Variants in CREB3L3 observed in about 807,000 individuals in gnomAD.
The protein encoded by CREB3L3 is cyclic AMP-responsive element-binding protein 3-like protein 3.
Under a neutral mutation model 44.6 loss-of-function variants are expected in CREB3L3, and 40 were observed. That is an observed-to-expected ratio of 0.90 (90% CI 0.70 to 1.17). CREB3L3 has a LOEUF of 1.17. CREB3L3 is among the 50% of genes most tolerant of loss of function. CREB3L3 has a pLI of 0.00. For missense variants in CREB3L3, 578 were observed against 595.8 expected (o/e 0.97, Z 0.31); for synonymous variants, 273 against 256.3 (o/e 1.06, Z -0.62).
chr19:4,164,929 G>C (rs908137934), intron 5 of CREB3L3, among the ~76,000 whole-genome samples: 2 of 151,980 alleles, frequency 1.3e-5, no homozygotes, highest in Non-Finnish European at 1.5e-5. Context: ...GGCTGGTCTC[G>C]AGCTCCTGAC....
intron 5 of CREB3L3, among the ~76,000 whole-genome samples, chr19:4,167,409 GGA>G (rs1966932501): frequency 1.4e-4 from 17 of 120,930 alleles, no homozygotes; most frequent in South Asian, 2.6e-4. Flanking sequence ...AAGAAAGAAA[GGA>G]AAAGAAAGAA....
At chr19:4,167,740 C>T (rs1395081076) in intron 5 of CREB3L3, among the ~76,000 whole-genome samples, 1 of 151,958 alleles carries the variant, frequency 6.6e-6, no homozygotes, top group Non-Finnish European at 1.5e-5. Context: ...GTATTGGGAG[C>T]TGGGAAAAGA....
At chr19:4,168,281 G>A (rs1966966964) in intron 5 of CREB3L3, 70 bp from the exon 6 acceptor site, 3 of 1,218,570 alleles carry the variant, frequency 2.5e-6, no homozygotes, top group Admixed American at 3.5e-5. Flanking sequence ...TTACAGGCGA[G>A]AGCTACTGCC....
intron 3 of CREB3L3, among the ~76,000 whole-genome samples, chr19:4,159,072 C>T (rs1333099666): frequency 3.3e-5 from 5 of 152,060 alleles, no homozygotes; most frequent in African/African-American, 1.2e-4. Flanking sequence ...TTGAATCAGC[C>T]GGTGTCTCCT....
At chr19:4,156,949 G>T in intron 2 of CREB3L3, 46 bp from the exon 3 acceptor site, 1 of 1,601,766 alleles carries the variant, frequency 6.2e-7, no homozygotes, top group Non-Finnish European at 8.6e-7. Context: ...AATCTAAAAA[G>T]AGTGAGCACT....
At chr19:4,168,519 G>T (rs1966974770) in intron 6 of CREB3L3, 62 bp downstream of exon 6, 4 of 1,347,596 alleles carry the variant, frequency 3.0e-6, no homozygotes, top group Non-Finnish European at 4.2e-6. Flanking sequence ...GAGAGAAGGA[G>T]ATGTGGCTAA....
At position 4,167,743 on chromosome 19, in the gene CREB3L3, G is replaced by A. The variant is rs867226018; in HGVS notation, c.715-608G>A. 3.9e-5 allele frequency among the ~76,000 whole-genome samples: 6 copies of A among 152,134 alleles called. No homozygotes were observed. The South Asian group carries it at 1.2e-3, about 32-fold the overall frequency. ...GCCCATTTTACAGTATTGGGAGCTG[G>A]GAAAAGACCCTCAGAACCCAGGCAC... On this transcript the variant is annotated intron_variant, in intron 5 of 9. Transcript: ENST00000078445.
intron 5 of CREB3L3, among the ~76,000 whole-genome samples, chr19:4,167,504 GAAA>G (rs1422677613): frequency 6.9e-5 from 8 of 115,386 alleles, no homozygotes; most frequent in African/African-American, 2.6e-4. Flanking sequence ...AAGAGAAAGA[GAAA>G]GAGAGAAAGA....
intron 6 of CREB3L3, among the ~76,000 whole-genome samples, chr19:4,168,922 A>G (rs997508112): frequency 6.6e-6 from 1 of 151,926 alleles, no homozygotes; most frequent in African/African-American, 2.4e-5. Context: ...TTTGGTAGAG[A>G]TGGGGTTTCA....
intron 5 of CREB3L3, among the ~76,000 whole-genome samples, chr19:4,168,065 C>T (rs185824693): frequency 1.4e-4 from 21 of 151,738 alleles, no homozygotes; most frequent in African/African-American, 4.4e-4. Flanking sequence ...ATGGCACGAT[C>T]TTGGCTCACT....
chr19:4,166,299 G>T (rs572335147), intron 5 of CREB3L3, among the ~76,000 whole-genome samples: 1 of 151,630 alleles, frequency 6.6e-6, no homozygotes, highest in East Asian at 1.9e-4. Context: ...TTGTTGCCCA[G>T]GCTGGAGTGC....
chr19:4,155,710 C>CCTTCCTTT (rs1322988402), intron 2 of CREB3L3, among the ~76,000 whole-genome samples: 1 of 150,116 alleles, frequency 6.7e-6, no homozygotes, highest in African/African-American at 2.5e-5. Context: ...TTCCTTCCTT[C>CCTTCCTTT]CTTCCTTTTT....
rs567052313 is a variant in CREB3L3 at position 4,158,254 on chromosome 19, T to C, written c.457+959T>C. Among the ~76,000 whole-genome samples the C allele has an allele frequency of 2.0e-5, 3 of 152,074 alleles. No homozygotes were observed. The South Asian group carries it at 6.2e-4, about 32-fold the overall frequency. On this transcript the variant is annotated intron_variant, in intron 3 of 9. Coordinates refer to ENST00000078445, the MANE Select transcript of CREB3L3 (RefSeq NM_032607.3). ...GACTCATGCCTGTAATCCCAGCACT[T>C]TGGGAGGCTGAGGCAGGCGGATCAC...
chr19:4,162,459 T>A lies in CREB3L3; in HGVS notation c.577-2044T>A, dbSNP rs2041672733. Among the ~76,000 whole-genome samples, 3 of 148,082 alleles carry A rather than the reference T, an allele frequency of 2.0e-5. No homozygotes were observed. In the Admixed American group the frequency reaches 2.1e-4, roughly 10 times the overall value. ...CAAAAAAAAATGATGCATTTATAAATGCTAGTTATCAGCAGTTGAAGACCA... is the reference window on the plus strand; with the variant it reads ...CAAAAAAAAATGATGCATTTATAAAAGCTAGTTATCAGCAGTTGAAGACCA... On this transcript the variant is annotated intron_variant, in intron 4 of 9. Coordinates refer to ENST00000078445, the MANE Select transcript of CREB3L3 (RefSeq NM_032607.3).
intron 2 of CREB3L3, among the ~76,000 whole-genome samples, chr19:4,156,189 C>T (rs1012975723): frequency 6.4e-5 from 5 of 78,454 alleles, no homozygotes; most frequent in South Asian, 4.9e-4. Flanking sequence ...TCCTTCCTCT[C>T]TCTCTCTCTT....
intron 5 of CREB3L3, among the ~76,000 whole-genome samples, chr19:4,167,358 G>A (rs200227551): frequency 0.35 from 48,003 of 136,416 alleles, 10,034 homozygotes; most frequent in Non-Finnish European, 0.47. Context: ...AAGAAAGAGA[G>A]AGAGAGAGAG....
intron 1 of CREB3L3, among the ~76,000 whole-genome samples, chr19:4,154,238 A>AT (rs2041544762): frequency 6.6e-6 from 1 of 151,654 alleles, no homozygotes; most frequent in African/African-American, 2.4e-5. Context: ...CGCCCGGCTA[A>AT]TTTTTGTACT....
chr19:4,164,754 G>A, intron 5 of CREB3L3, 114 bp downstream of exon 5: 1 of 1,288,160 alleles, frequency 7.8e-7, no homozygotes, highest in Non-Finnish European at 1.1e-6. Flanking sequence ...TGTCACTGAG[G>A]CTGGGATGCA....
rs1407899526 is a variant in CREB3L3 at position 4,172,143 on chromosome 19, A to T, written c.*174A>T. Reference sequence around the variant, plus strand: ...CCCAGGGCCTGACTGAGGCCCACGCAGGAACCGACACTCAGACACAAGGCA... The same window carrying T: ...CCCAGGGCCTGACTGAGGCCCACGCTGGAACCGACACTCAGACACAAGGCA... On this transcript the variant is annotated 3_prime_UTR_variant, in exon 10 of 10. Transcript: ENST00000078445. 1.8e-5 allele frequency: 12 copies of T among 685,018 alleles called. No homozygotes were observed. Among genetic ancestry groups the T allele is most frequent in the Non-Finnish European group, 2.9e-5 (12 of 415,332 alleles). The allele number at this position is 685,018 out of a possible 1,614,324, so 42.4% of individuals were successfully genotyped here.
Sources: allele counts gnomAD v4.1 joint callset (sites outside exome capture counted in the v4.1 genomes callset), GRCh38; gene constraint gnomAD v4.1.1; transcripts MANE v1.5; gene names NCBI Gene and HGNC (gene_info 2026-07-23, HGNC 2026-07-21).